Variants in NME7 observed in about 807,000 individuals in gnomAD.
The protein encoded by NME7 is nucleoside diphosphate kinase 7.
Under a neutral mutation model 49.1 loss-of-function variants are expected in NME7, and 41 were observed. That is an observed-to-expected ratio of 0.83 (90% CI 0.65 to 1.08). The LOEUF (loss-of-function observed/expected upper bound fraction) is 1.08, where lower values mean the gene tolerates loss of function less well. NME7 is among the 50% of genes least tolerant of loss of function. The pLI, the probability that NME7 is intolerant of heterozygous loss-of-function variation, is 0.00. For missense variants in NME7, 423 were observed against 463.4 expected (o/e 0.91, Z 0.80); for synonymous variants, 139 against 150.6 (o/e 0.92, Z 0.56).
At chr1:169,346,755 A>G (rs960739651) in intron 1 of NME7, among the ~76,000 whole-genome samples, 4 of 152,246 alleles carry the variant, frequency 2.6e-5, no homozygotes, top group Admixed American at 2.6e-4. Flanking sequence ...GACTAGGTAT[A>G]TGCATTGCAT....
intron 9 of NME7, among the ~76,000 whole-genome samples, chr1:169,232,854 C>A (rs536192785): frequency 1.4e-4 from 21 of 150,060 alleles, no homozygotes; most frequent in Middle Eastern, 3.4e-3. Flanking sequence ...ACATAAAATG[C>A]ATTTTTATTT....
chr1:169,338,391 G>T (rs963808419), intron 1 of NME7, among the ~76,000 whole-genome samples: 2 of 152,192 alleles, frequency 1.3e-5, no homozygotes, highest in Non-Finnish European at 2.9e-5. Context: ...TGATGTTTAA[G>T]ATGCACTTTC....
At chr1:169,225,079 A>G (rs1196073422) in intron 10 of NME7, among the ~76,000 whole-genome samples, 1 of 152,190 alleles carries the variant, frequency 6.6e-6, no homozygotes, top group African/African-American at 2.4e-5. Flanking sequence ...TGGTTTATTA[A>G]GGAAGAATAA....
intron 7 of NME7, among the ~76,000 whole-genome samples, chr1:169,262,640 G>A (rs78696996): frequency 0.018 from 2,431 of 132,914 alleles, 341 homozygotes; most frequent in African/African-American, 0.055. Context: ...CCAGTCTGTC[G>A]GGGCTCAGTG....
intron 11 of NME7, among the ~76,000 whole-genome samples, chr1:169,145,664 A>G (rs1235238970): frequency 2.0e-5 from 3 of 152,234 alleles, no homozygotes; most frequent in Non-Finnish European, 1.5e-5. Context: ...AGAGTAGACT[A>G]TTCTGTAAGA....
chr1:169,284,290 G>A, intron 7 of NME7: 1 of 151,914 alleles, frequency 6.6e-6, no homozygotes, highest in East Asian at 1.9e-4. Flanking sequence ...ATGCTTTTCA[G>A]CTCCATCAGG....
intron 7 of NME7, among the ~76,000 whole-genome samples, chr1:169,280,371 G>A (rs1371794442): frequency 1.3e-5 from 2 of 152,036 alleles, no homozygotes; most frequent in Non-Finnish European, 2.9e-5. Flanking sequence ...TTGTCAGATG[G>A]ATAGATTGCA....
At chr1:169,281,028 T>A (rs1023478433) in intron 7 of NME7, among the ~76,000 whole-genome samples, 32 of 152,150 alleles carry the variant, frequency 2.1e-4, no homozygotes, top group African/African-American at 7.7e-4. Flanking sequence ...TAGCATTGAA[T>A]CTATAAATTA....
chr1:169,309,319 G>A (rs1017654674), intron 4 of NME7, among the ~76,000 whole-genome samples: 1 of 152,072 alleles, frequency 6.6e-6, no homozygotes, highest in Non-Finnish European at 1.5e-5. Flanking sequence ...GCAATAAAAG[G>A]TTCCCTTTAC....
chr1:169,180,179 T>C (rs1416488861), intron 10 of NME7, among the ~76,000 whole-genome samples: 1 of 152,180 alleles, frequency 6.6e-6, no homozygotes, highest in Admixed American at 6.5e-5. Flanking sequence ...TCTGGCTGAA[T>C]TAATTAAGAT....
intron 3 of NME7, chr1:169,322,209 T>C (rs1651874481): frequency 6.6e-6 from 1 of 152,216 alleles, no homozygotes; most frequent in Non-Finnish European, 1.5e-5. Flanking sequence ...TCTTCCATTT[T>C]TTTTCTTAGC....
intron 11 of NME7, 157 bp downstream of exon 11, chr1:169,169,290 G>T (rs1659508945): frequency 3.4e-6 from 2 of 585,892 alleles, no homozygotes. Context: ...AACCACCAGG[G>T]CACGTGTATA....
At chr1:169,261,349 A>T (rs1310851213) in intron 7 of NME7, among the ~76,000 whole-genome samples, 2 of 133,878 alleles carry the variant, frequency 1.5e-5, no homozygotes, top group East Asian at 4.0e-4. Flanking sequence ...CTCACTAGAG[A>T]AAGATCAATC....
chr1:169,218,800 A>G (rs1451269591), intron 10 of NME7, among the ~76,000 whole-genome samples: 2 of 151,946 alleles, frequency 1.3e-5, no homozygotes, highest in Non-Finnish European at 2.9e-5. Context: ...AAGTAATCTC[A>G]GTGTTTATCA....
intron 8 of NME7, among the ~76,000 whole-genome samples, chr1:169,237,272 G>A (rs1212378134): frequency 6.6e-6 from 1 of 152,048 alleles, no homozygotes; most frequent in Non-Finnish European, 1.5e-5. Context: ...CCAGAAGACA[G>A]AAAACTCATC....
At chr1:169,207,354 C>G (rs999013929) in intron 10 of NME7, among the ~76,000 whole-genome samples, 15 of 152,102 alleles carry the variant, frequency 9.9e-5, no homozygotes, top group African/African-American at 1.2e-4. Context: ...ACCTCCAATG[C>G]TGAGAATCAC....
chr1:169,158,006 C>T (rs1202206056), intron 11 of NME7, among the ~76,000 whole-genome samples: 2 of 152,162 alleles, frequency 1.3e-5, no homozygotes, highest in East Asian at 3.9e-4. Context: ...GATAGGTTGT[C>T]TGTTTACTAT....
rs200830717 is a variant in NME7 at position 169,172,323 on chromosome 1, C to CGTGTGTGTGTGTGT, written c.991-2783_991-2770dup. On this transcript the variant is annotated intron_variant, in intron 10 of 11. Coordinates refer to ENST00000367811, the MANE Select transcript of NME7 (RefSeq NM_013330.5). ...ACAAACCCACAAAAACAAAAACATA[C>CGTGTGTGTGTGTGT]GTGTGTGTGTGTGTGTGTGTGTGTG... 4.8e-4 allele frequency among the ~76,000 whole-genome samples: 61 copies of CGTGTGTGTGTGTGT among 127,706 alleles called. 1 individual carries two copies. Among genetic ancestry groups the CGTGTGTGTGTGTGT allele is most frequent in the South Asian group, 5.0e-4 (2 of 3,988 alleles). The allele number at this position is 127,706 out of a possible 152,430, so 83.8% of individuals were successfully genotyped here.
intron 3 of NME7, among the ~76,000 whole-genome samples, chr1:169,312,657 A>G (rs909987093): frequency 2.0e-5 from 3 of 152,212 alleles, no homozygotes; most frequent in African/African-American, 4.8e-5. Flanking sequence ...AAATGTCTTC[A>G]TATACCATCA....
Sources: allele counts gnomAD v4.1 joint callset (sites outside exome capture counted in the v4.1 genomes callset), GRCh38; gene constraint gnomAD v4.1.1; transcripts MANE v1.5; gene names NCBI Gene and HGNC (gene_info 2026-07-23, HGNC 2026-07-21).